The following PCDHB7 variants were observed in gnomAD, a reference collection of about 807,000 sequenced individuals.
PCDHB7 encodes protocadherin beta-7.
For missense variants in PCDHB7, 1,148 were observed against 1,011.6 expected (o/e 1.13, Z -1.83); for synonymous variants, 542 against 463.1 (o/e 1.17, Z -2.19).
rs146043584 is a variant in PCDHB7, at chr5:141,173,002, T to A, written c.167T>A (p.Val56Glu). The A allele has an allele frequency of 1.9e-6, 3 of 1,614,036 alleles. No homozygotes were observed. The highest frequency in any genetic ancestry group is 2.5e-6 in the Non-Finnish European group (3 of 1,180,006). The change falls in exon 1 of 1, where the codon GTA becomes GAA. Residue 56 changes from valine to glutamate, a missense_variant. Transcript: ENST00000231137. Reference protein sequence around the residue: ...TNLAKDLGLGVGELRARGTRI... With the variant: ...TNLAKDLGLGEGELRARGTRI... The stretch of plus-strand genomic sequence containing the variant: ...TTGGCAAAAGACCTAGGGTTAGGGG[T>A]AGGGGAACTGAGAGCCCGGGGAACT...
chr5:141,173,912 CT>C lies in PCDHB7; in HGVS notation c.1078del (p.Ser360HisfsTer34), dbSNP rs1554280085. 6.2e-7 allele frequency: 1 copy of C among 1,612,638 alleles called. No individual in the cohort carries two copies. Among genetic ancestry groups the C allele is most frequent in the Admixed American group, 1.7e-5 (1 of 59,988 alleles). On this transcript the variant is annotated frameshift_variant, in exon 1 of 1. Transcript: ENST00000231137. LOFTEE classifies it low-confidence loss of function (END_TRUNC). ...SSLTSPIAEN[S>X]PETVVAVFRI... ...CACTTACTAGCCCAATTGCAGAAAA[CT>C]CACCCGAGACAGTCGTGGCTGTTTT...
Position 141,172,729 on chromosome 5 carries a change from C to A in PCDHB7, c.-107C>A. Reference sequence around the variant, plus strand: ...GGGGTAAAATGAGGATCCTTCCCCACAAACATTGCTATTATTCAGCTCATT... The same window carrying A: ...GGGGTAAAATGAGGATCCTTCCCCAAAAACATTGCTATTATTCAGCTCATT... On this transcript the variant is annotated 5_prime_UTR_variant, in exon 1 of 1. Coordinates refer to ENST00000231137, the MANE Select transcript of PCDHB7 (RefSeq NM_018940.4). 2.2e-6 allele frequency: 2 copies of A among 889,494 alleles called. No individual in the cohort carries two copies. Among genetic ancestry groups the A allele is most frequent in the Non-Finnish European group, 3.5e-6 (2 of 570,272 alleles). 55.1% of individuals were successfully genotyped at this position (889,494 alleles called of 1,614,324 possible).
chr5:141,172,713 T>A lies in PCDHB7; in HGVS notation c.-123T>A. ...AGTGGTAATAGGAATTGGGGTAAAA[T>A]GAGGATCCTTCCCCACAAACATTGC... On this transcript the variant is annotated 5_prime_UTR_variant, in exon 1 of 1. It removes an upstream start codon present in the reference 5' UTR. Transcript: ENST00000231137. 1 of 763,512 alleles carries A rather than the reference T, an allele frequency of 1.3e-6. No homozygotes were observed. The highest frequency in any genetic ancestry group is 1.9e-5 in the South Asian group (1 of 52,874). 47.3% of individuals were successfully genotyped at this position (763,512 alleles called of 1,614,324 possible). A position where few individuals can be genotyped will look rare whatever the true frequency, so the allele number is the denominator to read the frequency against.
rs782464666 is a variant in PCDHB7 at position 141,174,404 on chromosome 5, C to T, written c.1569C>T (p.Ala523=). The change falls in exon 1 of 1, where the codon GCC becomes GCT. Residue 523 remains alanine (A), a synonymous_variant. Coordinates refer to ENST00000231137, the MANE Select transcript of PCDHB7 (RefSeq NM_018940.4). ...CCCTCAGGTCCCTGGACTACGAGGC[C>T]CTGCAGGCGTTCGAGTTCCGCGTGG... ...LFALRSLDYE[A]LQAFEFRVGA... The T allele has an allele frequency of 1.2e-6, 2 of 1,612,460 alleles. No homozygotes were observed. Among genetic ancestry groups the T allele is most frequent in the Admixed American group, 3.3e-5 (2 of 59,908 alleles).
Position 141,173,428 on chromosome 5 carries a change from A to C in PCDHB7, c.593A>C (p.Gln198Pro), listed in dbSNP as rs1554279998. The change falls in exon 1 of 1, where the codon CAA becomes CCA. Residue 198 changes from glutamine to proline, a missense_variant. By Grantham distance (76) the Gln-to-Pro change is moderately conservative. Transcript: ENST00000231137. The stretch of plus-strand genomic sequence containing the variant: ...ATCTATCCCGAATTGGTGCTGAATC[A>C]AGTGCTGGATCGGGAAGAGATACCA... Reference protein sequence around the residue: ...GNIYPELVLNQVLDREEIPEF... With the variant: ...GNIYPELVLNPVLDREEIPEF... 3.7e-6 allele frequency: 6 copies of C among 1,614,164 alleles called. No individual in the cohort carries two copies. The highest frequency in any genetic ancestry group is 5.1e-6 in the Non-Finnish European group (6 of 1,180,040).
rs781962988 is a variant in PCDHB7 at position 141,175,055 on chromosome 5, C to A, written c.2220C>A (p.Thr740=). The A allele has an allele frequency of 1.9e-6, 3 of 1,614,082 alleles. No individual in the cohort carries two copies. The highest frequency in any genetic ancestry group is 3.3e-5 in the Admixed American group (2 of 60,008). Residue 740 remains threonine, a synonymous_variant, in exon 1 of 1, where the codon ACC becomes ACA. Transcript: ENST00000231137. The stretch of plus-strand genomic sequence containing the variant: ...GACATCTGGTGGACTTGAGCGGCAC[C>A]GGGACCCTATCCCAGAGCTACCAGT... ...FPRHLVDLSG[T]GTLSQSYQYE... is the part of the protein sequence containing the mutation.
chr5:141,173,892 A>C lies in PCDHB7; in HGVS notation c.1057A>C (p.Thr353Pro), dbSNP rs1291770421. The C allele has an allele frequency of 1.9e-6, 3 of 1,612,854 alleles. No individual in the cohort carries two copies. The highest frequency in any genetic ancestry group is 2.5e-6 in the Non-Finnish European group (3 of 1,179,086). The change falls in exon 1 of 1, where the codon ACT becomes CCT. Residue 353 changes from threonine (T) to proline (P), a missense_variant. Physicochemically the swap from Thr to Pro is conservative, Grantham distance 38 (BLOSUM62 -1). Transcript: ENST00000231137. ...ACCCGAGCTGCTCCTGTCTTCACTT[A>C]CTAGCCCAATTGCAGAAAACTCACC... ...NRPELLLSSL[T>P]SPIAENSPET... is the part of the protein sequence containing the mutation.
chr5:141,175,113 A>C lies in PCDHB7; in HGVS notation c.2278A>C (p.Asn760His), dbSNP rs782412716. 3.7e-6 allele frequency: 6 copies of C among 1,614,066 alleles called. No homozygotes were observed. Among genetic ancestry groups the C allele is most frequent in the Non-Finnish European group, 5.1e-6 (6 of 1,180,046 alleles). ...EVCLTGGSGT[N>H]EFKFLKPIIP... Reference sequence around the variant, plus strand: ...GTGCCTGACTGGAGGCTCCGGGACAAATGAGTTCAAGTTTCTGAAACCAAT... The same window carrying C: ...GTGCCTGACTGGAGGCTCCGGGACACATGAGTTCAAGTTTCTGAAACCAAT... Residue 760 changes from asparagine (N) to histidine (H), a missense_variant, in exon 1 of 1, where the codon AAT becomes CAT. By Grantham distance (68) the Asn-to-His change is moderately conservative. Transcript: ENST00000231137.
Position 141,174,979 on chromosome 5 carries a change from G to A in PCDHB7, c.2144G>A (p.Ser715Asn). The change falls in exon 1 of 1, where the codon AGC becomes AAC. Residue 715 changes from serine (S) to asparagine (N), a missense_variant. Coordinates refer to ENST00000231137, the MANE Select transcript of PCDHB7 (RefSeq NM_018940.4). ...GTGGCGGTGCGGCTGTGCAGGAGGA[G>A]CAGGGCGGCCCCGGTGGGTCGCTGC... ...LFVAVRLCRRSRAAPVGRCSV... is the reference protein window; with the variant it reads ...LFVAVRLCRRNRAAPVGRCSV... 3 of 1,611,046 alleles carry A rather than the reference G, an allele frequency of 1.9e-6. No homozygotes were observed. Among genetic ancestry groups the A allele is most frequent in the Non-Finnish European group, 2.5e-6 (3 of 1,177,750 alleles).
In PCDHB7 at chr5:141,174,201, T is replaced by A; in HGVS notation, c.1366T>A (p.Tyr456Asn). ...DNAPAFTQTS[Y>N]TLFVRENNSP... ...CGCTCCCGCCTTCACCCAAACCTCC[T>A]ACACCCTGTTTGTCCGTGAGAACAA... is the stretch of plus-strand genomic sequence containing the variant. The change falls in exon 1 of 1, where the codon TAC (tyrosine) becomes AAC (asparagine). Residue 456 changes from tyrosine (Y) to asparagine (N), a missense_variant. Physicochemically the swap from Tyr to Asn is moderately radical, Grantham distance 143 (BLOSUM62 -2). Transcript: ENST00000231137. 6.2e-7 allele frequency: 1 copy of A among 1,613,438 alleles called. No homozygotes were observed. The highest frequency in any genetic ancestry group is 8.5e-7 in the Non-Finnish European group (1 of 1,180,024).
In PCDHB7 at chr5:141,174,885, C is replaced by A; in HGVS notation, c.2050C>A (p.Leu684Ile). The change falls in exon 1 of 1, where the codon CTC becomes ATC. Residue 684 changes from leucine (L) to isoleucine (I), a missense_variant. Leu to Ile is a conservative substitution (Grantham distance 5). Transcript: ENST00000231137. The stretch of plus-strand genomic sequence containing the variant: ...GGCGGCCCCGGACCAGGCCAACTCG[C>A]TCACCGTCTACCTGGTGGTGGCGTT... ...PEAAPDQANS[L>I]TVYLVVALAS... 1 of 1,611,150 alleles carries A rather than the reference C, an allele frequency of 6.2e-7. No homozygotes were observed. The highest frequency in any genetic ancestry group is 8.5e-7 in the Non-Finnish European group (1 of 1,178,618).
chr5:141,176,041 G>T lies in PCDHB7; in HGVS notation c.*824G>T, dbSNP rs782016120. ...CTCAAGCGGAAAACAAAATTGAAAG[G>T]GCAACCTGTGCCTTCTCCTTTCTTC... is the stretch of plus-strand genomic sequence containing the variant. On this transcript the variant is annotated 3_prime_UTR_variant, in exon 1 of 1. Coordinates refer to ENST00000231137, the MANE Select transcript of PCDHB7 (RefSeq NM_018940.4). 3 of 167,166 alleles carry T rather than the reference G, an allele frequency of 1.8e-5. No homozygotes were observed. Among genetic ancestry groups the T allele is most frequent in the Non-Finnish European group, 2.9e-5 (2 of 68,180 alleles). The allele number at this position is 167,166 out of a possible 1,614,324, so 10.4% of individuals were successfully genotyped here. A position where few individuals can be genotyped will look rare whatever the true frequency, so the allele number is the denominator to read the frequency against.
chr5:141,173,150 T>A lies in PCDHB7; in HGVS notation c.315T>A (p.Pro105=). 6.2e-7 allele frequency: 1 copy of A among 1,613,968 alleles called. No individual in the cohort carries two copies. The highest frequency in any genetic ancestry group is 8.5e-7 in the Non-Finnish European group (1 of 1,179,890). The change falls in exon 1 of 1, where the codon CCT becomes CCA. Residue 105 remains proline (P), a synonymous_variant. Coordinates refer to ENST00000231137, the MANE Select transcript of PCDHB7 (RefSeq NM_018940.4). ...GCCCCAGAGAGCCCTGTGTGCTGCC[T>A]TTCCAGTTGTTATTGGAAAAACCTT... The part of the protein sequence containing the change: ...LCGPREPCVL[P]FQLLLEKPFQ...
rs782112377 is a variant in PCDHB7, at chr5:141,174,317, G to A, written c.1482G>A (p.Gln494=). The A allele has an allele frequency of 1.2e-6, 2 of 1,612,822 alleles. No individual in the cohort carries two copies. Residue 494 remains glutamine (Q), a synonymous_variant, in exon 1 of 1, where the codon CAG becomes CAA. Coordinates refer to ENST00000231137, the MANE Select transcript of PCDHB7 (RefSeq NM_018940.4). ...TCATCTACTCCCTGCTGCCGTCCCA[G>A]GACCCGCACCTGCCCCTCGCCTCCC... ...AQVIYSLLPS[Q]DPHLPLASLV... is the part of the protein sequence containing the mutation.
rs1168824029 is a variant in PCDHB7 at position 141,175,284 on chromosome 5, C to CTT, written c.*68_*69dup. The CTT allele has an allele frequency of 5.6e-6, 8 of 1,437,644 alleles. No homozygotes were observed. Among genetic ancestry groups the CTT allele is most frequent in the African/African-American group, 1.5e-5 (1 of 68,158 alleles). 89.1% of individuals were successfully genotyped at this position (1,437,644 alleles called of 1,614,324 possible). A position where few individuals can be genotyped will look rare whatever the true frequency, so the allele number is the denominator to read the frequency against. ...GATTAGGAACTTATTGCGAGGTTCC[C>CTT]TTAAGGGAGTGTCTTTACATCATTT... On this transcript the variant is annotated 3_prime_UTR_variant, in exon 1 of 1. Coordinates refer to ENST00000231137, the MANE Select transcript of PCDHB7 (RefSeq NM_018940.4).
chr5:141,174,588 CTG>C lies in PCDHB7; in HGVS notation c.1754_1755del (p.Leu585ArgfsTer142). 1 of 1,610,526 alleles carries C rather than the reference CTG, an allele frequency of 6.2e-7. No homozygotes were observed. The highest frequency in any genetic ancestry group is 8.5e-7 in the Non-Finnish European group (1 of 1,179,634). ...PLPRAAEPGY[L>X]VTKVVAVDGD... ...GCCCCGGGCGGCCGAGCCGGGCTAC[CTG>C]GTGACCAAGGTGGTGGCGGTGGACG... On this transcript the variant is annotated frameshift_variant, in exon 1 of 1. Coordinates refer to ENST00000231137, the MANE Select transcript of PCDHB7 (RefSeq NM_018940.4). LOFTEE classifies it low-confidence loss of function (END_TRUNC).
Position 141,173,078 on chromosome 5 carries a change from T to C in PCDHB7, c.243T>C (p.Thr81=). 1 of 1,614,202 alleles carries C rather than the reference T, an allele frequency of 6.2e-7. No individual in the cohort carries two copies. Among genetic ancestry groups the C allele is most frequent in the Non-Finnish European group, 8.5e-7 (1 of 1,180,036 alleles). Residue 81 remains threonine, a synonymous_variant, in exon 1 of 1, where the codon ACT becomes ACC. Coordinates refer to ENST00000231137, the MANE Select transcript of PCDHB7 (RefSeq NM_018940.4). Reference sequence around the variant, plus strand: ...AAATTTTACTGCTCAGTTCGCTTACTGGTGATCTACTTCTAAATGAGAAAT... The same window carrying C: ...AAATTTTACTGCTCAGTTCGCTTACCGGTGATCTACTTCTAAATGAGAAAT... ...NMQILLLSSL[T]GDLLLNEKLD... is the part of the protein sequence containing the mutation.
Position 141,174,572 on chromosome 5 carries a change from G to C in PCDHB7, c.1737G>C (p.Ala579=). The change falls in exon 1 of 1, where the codon GCG becomes GCC. Residue 579 remains alanine (A), a synonymous_variant. Coordinates refer to ENST00000231137, the MANE Select transcript of PCDHB7 (RefSeq NM_018940.4). ...CCTGCACCGAGCCGTTGCCCCGGGC[G>C]GCCGAGCCGGGCTACCTGGTGACCA... is the stretch of plus-strand genomic sequence containing the variant. The part of the protein sequence containing the change: ...SAPCTEPLPR[A]AEPGYLVTKV... 1 of 1,610,270 alleles carries C rather than the reference G, an allele frequency of 6.2e-7. No homozygotes were observed. The highest frequency in any genetic ancestry group is 8.5e-7 in the Non-Finnish European group (1 of 1,179,632).
In PCDHB7 at chr5:141,174,595, C is replaced by T. The variant is rs782100787; in HGVS notation, c.1760C>T (p.Thr587Ile). 1.7e-5 allele frequency: 27 copies of T among 1,610,434 alleles called. No homozygotes were observed. The African/African-American group carries it at 2.0e-4, about 12-fold the overall frequency. ...GCGGCCGAGCCGGGCTACCTGGTGA[C>T]CAAGGTGGTGGCGGTGGACGGCGAC... ...PRAAEPGYLVTKVVAVDGDSG... is the reference protein window; with the variant it reads ...PRAAEPGYLVIKVVAVDGDSG... Residue 587 changes from threonine (T) to isoleucine (I), a missense_variant, in exon 1 of 1, where the codon ACC becomes ATC. Thr to Ile is a moderately conservative substitution (Grantham distance 89). Transcript: ENST00000231137.
Sources: allele counts gnomAD v4.1 joint callset, GRCh38; gene constraint gnomAD v4.1.1; transcripts MANE v1.5; gene names NCBI Gene and HGNC (gene_info 2026-07-23, HGNC 2026-07-21).